RABGAP1L: variants seen among roughly 807,000 people sequenced by gnomAD.
RABGAP1L encodes RAB GTPase activating protein 1 like.
In RABGAP1L, 63 loss-of-function variants were observed where a neutral mutation model predicts 137.7. The observed-to-expected ratio is 0.46, with a 90% confidence interval of 0.37 to 0.56. RABGAP1L has a LOEUF of 0.56. RABGAP1L is among the 20% of genes least tolerant of loss of function. The pLI is 0.00. For missense variants in RABGAP1L, 1,095 were observed against 1,244.0 expected (o/e 0.88, Z 1.80); for synonymous variants, 431 against 433.7 (o/e 0.99, Z 0.08).
intron 13 of RABGAP1L, among the ~76,000 whole-genome samples, chr1:174,457,649 T>A (rs1009791946): frequency 1.3e-5 from 2 of 151,796 alleles, no homozygotes; most frequent in African/African-American, 2.4e-5. Context: ...ACTACAGGTG[T>A]GTGCCACCAC....
intron 13 of RABGAP1L, among the ~76,000 whole-genome samples, chr1:174,636,276 T>G (rs1229016558): frequency 6.6e-6 from 1 of 152,114 alleles, no homozygotes; most frequent in Non-Finnish European, 1.5e-5. Flanking sequence ...CCCAGCACTT[T>G]GGGAGGTCGA....
At chr1:174,342,786 T>TGGAGTGCA (rs1471327772) in intron 11 of RABGAP1L, among the ~76,000 whole-genome samples, 1 of 151,770 alleles carries the variant, frequency 6.6e-6, no homozygotes, top group African/African-American at 2.4e-5. Flanking sequence ...TTGCCCAGGC[T>TGGAGTGCA]GGAGTGCAGT....
Position 174,929,557 on chromosome 1 carries a change from C to T in RABGAP1L, c.2341-27900C>T, listed in dbSNP as rs541715829. On this transcript the variant is annotated intron_variant, in intron 19 of 25. Transcript: ENST00000681986. ...CAGAGTTTGAGACCAGCCTGGGCAA[C>T]ATAACGAGATCCTATCTCCAGAAGC... 2.6e-5 allele frequency among the ~76,000 whole-genome samples: 4 copies of T among 152,072 alleles called. No individual in the cohort carries two copies. The South Asian group carries it at 8.3e-4, about 32-fold the overall frequency.
intron 18 of RABGAP1L, among the ~76,000 whole-genome samples, chr1:174,752,975 A>C (rs900379343): frequency 6.6e-6 from 1 of 152,224 alleles, no homozygotes; most frequent in African/African-American, 2.4e-5. Context: ...CAGAGAAGAC[A>C]TTCTGATATT....
At position 174,780,047 on chromosome 1, in the gene RABGAP1L, CAA is replaced by C. The variant is rs981722901; in HGVS notation, c.2211+27694_2211+27695del. Reference sequence around the variant, plus strand: ...TGCCACTGCATTCCAGCCTGGGAAACAAGAGTGAAACTCCATCTTACAATAAA... The same window carrying C: ...TGCCACTGCATTCCAGCCTGGGAAACGAGTGAAACTCCATCTTACAATAAA... On this transcript the variant is annotated intron_variant, in intron 18 of 25. Coordinates refer to ENST00000681986, the MANE Select transcript of RABGAP1L (RefSeq NM_001366446.1). 1.0e-3 allele frequency among the ~76,000 whole-genome samples: 156 copies of C among 148,876 alleles called. 1 individual carries two copies. The highest frequency in any genetic ancestry group is 3.4e-3 in the African/African-American group (136 of 40,388).
At chr1:174,878,237 T>C (rs1653476030) in intron 19 of RABGAP1L, among the ~76,000 whole-genome samples, 1 of 152,192 alleles carries the variant, frequency 6.6e-6, no homozygotes, top group Middle Eastern at 3.4e-3. Flanking sequence ...GAAACCAACT[T>C]TTTTTTGAGA....
intron 1 of RABGAP1L, among the ~76,000 whole-genome samples, chr1:174,163,154 AG>A (rs1664644271): frequency 6.6e-6 from 1 of 152,174 alleles, no homozygotes; most frequent in African/African-American, 2.4e-5. Flanking sequence ...TCATTTTTAA[AG>A]GAGAGTTTTA....
chr1:174,921,270 A>C (rs917288878), intron 19 of RABGAP1L, among the ~76,000 whole-genome samples: 1 of 152,172 alleles, frequency 6.6e-6, no homozygotes, highest in African/African-American at 2.4e-5. Flanking sequence ...TAATAACGTC[A>C]CTAATAGCAC....
At chr1:174,882,697 A>G (rs1467341436) in intron 19 of RABGAP1L, among the ~76,000 whole-genome samples, 1 of 152,228 alleles carries the variant, frequency 6.6e-6, no homozygotes, top group Non-Finnish European at 1.5e-5. Flanking sequence ...AAAAAACAAT[A>G]AGGAAGCCAA....
chr1:174,321,556 G>T (rs1025404703), intron 11 of RABGAP1L, among the ~76,000 whole-genome samples: 4 of 152,090 alleles, frequency 2.6e-5, no homozygotes, highest in African/African-American at 4.8e-5. Context: ...TAGGGAAATA[G>T]AAAAGAACCT....
chr1:174,262,529 C>A (rs367695005), intron 7 of RABGAP1L, among the ~76,000 whole-genome samples: 2 of 152,100 alleles, frequency 1.3e-5, no homozygotes, highest in Admixed American at 1.3e-4. Flanking sequence ...GTGTGCTTCC[C>A]CATTTCCCCC....
chr1:174,172,785 A>G (rs1439821496), intron 1 of RABGAP1L, among the ~76,000 whole-genome samples: 1 of 152,088 alleles, frequency 6.6e-6, no homozygotes, highest in African/African-American at 2.4e-5. Flanking sequence ...TAGTTTGCAA[A>G]TATTTTCTCC....
At chr1:174,423,662 C>T (rs1651617135) in intron 13 of RABGAP1L, among the ~76,000 whole-genome samples, 1 of 151,918 alleles carries the variant, frequency 6.6e-6, no homozygotes, top group South Asian at 2.1e-4. Context: ...TTCTCTAAAC[C>T]CTTTTGGAGG....
intron 19 of RABGAP1L, among the ~76,000 whole-genome samples, chr1:174,903,003 C>T (rs191355014): frequency 3.9e-5 from 6 of 152,330 alleles, no homozygotes; most frequent in Admixed American, 2.6e-4. Context: ...GTTAAGGAAA[C>T]TGGCTAAGAC....
intron 19 of RABGAP1L, among the ~76,000 whole-genome samples, chr1:174,862,152 T>A (rs753520657): frequency 6.6e-6 from 1 of 152,204 alleles, no homozygotes; most frequent in Non-Finnish European, 1.5e-5. Flanking sequence ...TTCATTCTCT[T>A]GCATGTGGAG....
intron 13 of RABGAP1L, among the ~76,000 whole-genome samples, chr1:174,496,885 C>G (rs772717355): frequency 4.9e-4 from 75 of 152,122 alleles, no homozygotes; most frequent in Non-Finnish European, 9.1e-4. Flanking sequence ...TGACAACTGC[C>G]CATCCTACCC....
chr1:174,300,299 G>A (rs1677549754), intron 10 of RABGAP1L, among the ~76,000 whole-genome samples: 1 of 152,148 alleles, frequency 6.6e-6, no homozygotes, highest in Non-Finnish European at 1.5e-5. Flanking sequence ...GCCGAGGCTG[G>A]TGAATCTCCT....
chr1:174,785,042 A>T (rs1687351894), intron 18 of RABGAP1L, among the ~76,000 whole-genome samples: 1 of 152,054 alleles, frequency 6.6e-6, no homozygotes, highest in Admixed American at 6.5e-5. Context: ...TTTCCATATG[A>T]GTGATTTTAT....
At chr1:174,957,582 C>G (rs1226608424) in intron 20 of RABGAP1L, 33 bp downstream of exon 20, 1 of 1,549,112 alleles carries the variant, frequency 6.5e-7, no homozygotes, top group South Asian at 1.1e-5. Flanking sequence ...ATCAAAGTAC[C>G]TTCTTTTTTG....
Sources: gnomAD v4.1 joint callset for allele counts (sites outside exome capture counted in the v4.1 genomes callset) on GRCh38, gnomAD v4.1.1 for gene constraint, MANE v1.5 for transcripts, NCBI Gene and HGNC (gene_info 2026-07-23, HGNC 2026-07-21) for gene names.